The following AGBL4 variants were observed in gnomAD, a reference collection of about 807,000 sequenced individuals.
AGBL4 encodes AGBL carboxypeptidase 4.
AGBL4 carries 58 observed loss-of-function variants against 66.4 expected under a neutral mutation model. That is an observed-to-expected ratio of 0.87 (90% confidence interval 0.71 to 1.09). The LOEUF is 1.09. Among genes scored for constraint, AGBL4 ranks in the 50% least tolerant of loss-of-function variants. The pLI is 0.00. For synonymous variants in AGBL4, 234 were observed against 222.9 expected (o/e 1.05, Z -0.44); for missense variants, 579 against 631.0 (o/e 0.92, Z 0.88).
intron 3 of AGBL4, among the ~76,000 whole-genome samples, chr1:49,384,930 T>C (rs184746254): frequency 1.3e-5 from 2 of 152,208 alleles, no homozygotes; most frequent in Admixed American, 6.5e-5. Context: ...GCATTATTCA[T>C]AATAGGCAAC....
intron 5 of AGBL4, among the ~76,000 whole-genome samples, chr1:48,881,261 T>A (rs562852731): frequency 6.6e-6 from 1 of 152,032 alleles, no homozygotes; most frequent in East Asian, 1.9e-4. Flanking sequence ...ACAACTGAAA[T>A]TTTTTTTGTG....
chr1:49,813,134 G>C (rs1645141812), intron 2 of AGBL4, among the ~76,000 whole-genome samples: 1 of 152,064 alleles, frequency 6.6e-6, no homozygotes, highest in African/African-American at 2.4e-5. Context: ...TGACAAAGCA[G>C]CCCATAACCA....
intron 3 of AGBL4, among the ~76,000 whole-genome samples, chr1:49,671,205 A>G (rs192973332): frequency 6.6e-6 from 1 of 152,240 alleles, no homozygotes; most frequent in African/African-American, 2.4e-5. Flanking sequence ...CTGATGTTTG[A>G]CAAAGCTATC....
At chr1:48,582,122 C>G (rs1213659093) in intron 11 of AGBL4, among the ~76,000 whole-genome samples, 2 of 152,282 alleles carry the variant, frequency 1.3e-5, no homozygotes, top group Middle Eastern at 3.4e-3. Flanking sequence ...TTAAGAACCC[C>G]TAAACTAAAA....
chr1:48,849,157 C>T (rs563400742), intron 6 of AGBL4, among the ~76,000 whole-genome samples: 3 of 152,310 alleles, frequency 2.0e-5, no homozygotes, highest in African/African-American at 4.8e-5. Flanking sequence ...TCATCCTTTG[C>T]AAGACTTAGG....
chr1:49,798,074 C>T (rs1463544561), intron 2 of AGBL4, among the ~76,000 whole-genome samples: 1 of 152,154 alleles, frequency 6.6e-6, no homozygotes, highest in South Asian at 2.1e-4. Context: ...AAAGTATGTA[C>T]CTCTCTTCTC....
chr1:48,937,955 C>T (rs546053168), intron 5 of AGBL4, among the ~76,000 whole-genome samples: 38 of 152,160 alleles, frequency 2.5e-4, no homozygotes, highest in Non-Finnish European at 4.9e-4. Context: ...TGCAGTTCTT[C>T]GACTTATCAG....
chr1:49,196,992 A>AT (rs895078028), intron 4 of AGBL4, among the ~76,000 whole-genome samples: 20 of 151,468 alleles, frequency 1.3e-4, no homozygotes, highest in Non-Finnish European at 7.4e-5. Flanking sequence ...CATGCCCAGC[A>AT]TTTTTTTTGT....
Position 48,846,362 on chromosome 1 carries a change from G to GAAGAAAGAAAGAAAGA in AGBL4, c.634+20813_634+20828dup, listed in dbSNP as rs72459142. Among the ~76,000 whole-genome samples the GAAGAAAGAAAGAAAGA allele has an allele frequency of 7.4e-4, 88 of 118,686 alleles. 2 individuals are homozygous for GAAGAAAGAAAGAAAGA. Among genetic ancestry groups the GAAGAAAGAAAGAAAGA allele is most frequent in the East Asian group, 1.5e-3 (6 of 3,946 alleles). The allele number at this position is 118,686 out of a possible 152,430, so 77.9% of individuals were successfully genotyped here. ...AAAAAGAAAAGAAAGGAGAAAGAAA[G>GAAGAAAGAAAGAAAGA]AAGAAAGAAAGAAAGAAAGAAAGAA... On this transcript the variant is annotated intron_variant, in intron 6 of 13. Coordinates refer to ENST00000371839, the MANE Select transcript of AGBL4 (RefSeq NM_032785.4).
intron 6 of AGBL4, among the ~76,000 whole-genome samples, chr1:48,829,830 G>A (rs935726725): frequency 1.3e-5 from 2 of 152,094 alleles, no homozygotes; most frequent in African/African-American, 4.8e-5. Context: ...CTGGGAAAAT[G>A]TACTGTTCTG....
chr1:48,670,059 C>A (rs1207381748), intron 6 of AGBL4, among the ~76,000 whole-genome samples: 1 of 152,162 alleles, frequency 6.6e-6, no homozygotes, highest in Non-Finnish European at 1.5e-5. Context: ...AGAGTATGTA[C>A]ATGACAAAGA....
chr1:49,415,548 G>A (rs1040005872), intron 3 of AGBL4, among the ~76,000 whole-genome samples: 3 of 152,022 alleles, frequency 2.0e-5, no homozygotes, highest in African/African-American at 7.2e-5. Context: ...TTAAAATGTA[G>A]GGAGGATGAG....
chr1:49,833,718 A>C (rs1411506645), intron 2 of AGBL4, among the ~76,000 whole-genome samples: 1 of 152,116 alleles, frequency 6.6e-6, no homozygotes, highest in Non-Finnish European at 1.5e-5. Flanking sequence ...CGTCCGTTGT[A>C]AGTTGGATTC....
chr1:49,458,191 T>C (rs1391106202), intron 3 of AGBL4, among the ~76,000 whole-genome samples: 2 of 151,872 alleles, frequency 1.3e-5, no homozygotes, highest in Non-Finnish European at 2.9e-5. Context: ...TAGCATGGAA[T>C]GTGTTTCCAC....
At chr1:48,748,758 A>C (rs750370836) in intron 6 of AGBL4, among the ~76,000 whole-genome samples, 2 of 152,070 alleles carry the variant, frequency 1.3e-5, no homozygotes, top group Non-Finnish European at 2.9e-5. Context: ...GGCTTCAGGA[A>C]AGTGGTGATC....
chr1:49,711,113 T>A (rs745426423), intron 2 of AGBL4, among the ~76,000 whole-genome samples: 10 of 152,172 alleles, frequency 6.6e-5, no homozygotes, highest in East Asian at 3.9e-4. Context: ...ATAACAAGGA[T>A]GTGAAGCAAC....
At chr1:48,554,070 G>A (rs1644287019) in intron 11 of AGBL4, among the ~76,000 whole-genome samples, 1 of 152,184 alleles carries the variant, frequency 6.6e-6, no homozygotes, top group Non-Finnish European at 1.5e-5. Flanking sequence ...CATTCTGTGG[G>A]TGAGAATTGG....
At chr1:48,899,720 C>T (rs1651900403) in intron 5 of AGBL4, among the ~76,000 whole-genome samples, 1 of 152,168 alleles carries the variant, frequency 6.6e-6, no homozygotes, top group South Asian at 2.1e-4. Flanking sequence ...AAAAATTCAA[C>T]TTTATTCTTT....
intron 2 of AGBL4, among the ~76,000 whole-genome samples, chr1:49,849,506 C>CAT (rs150025319): frequency 0.1 from 15,154 of 144,778 alleles, 2,135 homozygotes; most frequent in East Asian, 0.18. Context: ...CACACACACA[C>CAT]ACATACATAC....
Sources: allele counts gnomAD v4.1 joint callset (sites outside exome capture counted in the v4.1 genomes callset), GRCh38; gene constraint gnomAD v4.1.1; transcripts MANE v1.5; gene names NCBI Gene and HGNC (gene_info 2026-07-23, HGNC 2026-07-21).